The following ZCCHC7 variants were observed in gnomAD, a reference collection of about 807,000 sequenced individuals.
ZCCHC7 encodes the protein zinc finger CCHC-type containing 7.
A neutral mutation model predicts 52.0 loss-of-function variants in ZCCHC7; 35 were observed. The observed-to-expected ratio is 0.67, with a 90% confidence interval of 0.51 to 0.89. The LOEUF is 0.89. Ranked by LOEUF, ZCCHC7 falls within the 40% of genes least tolerant of loss-of-function variation. ZCCHC7 has a pLI of 0.00. For missense variants in ZCCHC7, 574 were observed against 649.1 expected (o/e 0.88, Z 1.26); for synonymous variants, 217 against 221.5 (o/e 0.98, Z 0.18).
At chr9:37,175,319 T>C (rs556766166) in intron 2 of ZCCHC7, among the ~76,000 whole-genome samples, 1 of 152,232 alleles carries the variant, frequency 6.6e-6, no homozygotes, top group South Asian at 2.1e-4. Flanking sequence ...TGAGGACTGA[T>C]GTTCATTGTT....
chr9:37,255,781 C>G (rs1227121065), intron 2 of ZCCHC7, among the ~76,000 whole-genome samples: 2 of 152,074 alleles, frequency 1.3e-5, no homozygotes, highest in East Asian at 3.8e-4. Flanking sequence ...TCTTGATTCA[C>G]TTTATCAAAA....
At chr9:37,153,629 T>C (rs1353899611) in intron 2 of ZCCHC7, among the ~76,000 whole-genome samples, 1 of 146,410 alleles carries the variant, frequency 6.8e-6, no homozygotes, top group Non-Finnish European at 1.5e-5. Flanking sequence ...TCTTTCTTTC[T>C]TTTTTTTTTA....
intron 2 of ZCCHC7, among the ~76,000 whole-genome samples, chr9:37,173,619 T>G (rs1016116456): frequency 4.6e-5 from 7 of 152,190 alleles, no homozygotes; most frequent in Admixed American, 3.9e-4. Flanking sequence ...TTTGTTTTTT[T>G]GGGGGAGATC....
At chr9:37,190,805 AGTCAGG>A (rs1399843701) in intron 2 of ZCCHC7, among the ~76,000 whole-genome samples, 24 of 152,076 alleles carry the variant, frequency 1.6e-4, no homozygotes, top group Non-Finnish European at 3.4e-4. Context: ...GATCACCTGA[AGTCAGG>A]AGTTCGAGAC....
At chr9:37,123,831 A>G (rs542839434) in intron 1 of ZCCHC7, among the ~76,000 whole-genome samples, 11 of 152,370 alleles carry the variant, frequency 7.2e-5, no homozygotes, top group African/African-American at 2.4e-4. Context: ...TAACAATTCA[A>G]TATAAACTGA....
At chr9:37,323,904 GTC>G (rs1830144139) in intron 5 of ZCCHC7, among the ~76,000 whole-genome samples, 1 of 152,112 alleles carries the variant, frequency 6.6e-6, no homozygotes, top group African/African-American at 2.4e-5. Context: ...GTAGCTATAA[GTC>G]TATGAAGAGC....
At chr9:37,193,104 T>C (rs1199895131) in intron 2 of ZCCHC7, among the ~76,000 whole-genome samples, 4 of 152,184 alleles carry the variant, frequency 2.6e-5, no homozygotes, top group African/African-American at 9.6e-5. Flanking sequence ...ACATATGCTT[T>C]TGAATAATGA....
chr9:37,203,409 G>C (rs1823737697), intron 2 of ZCCHC7, among the ~76,000 whole-genome samples: 1 of 152,052 alleles, frequency 6.6e-6, no homozygotes, highest in South Asian at 2.1e-4. Context: ...CTATCAACCT[G>C]TCATCTAGGT....
intron 2 of ZCCHC7, among the ~76,000 whole-genome samples, chr9:37,225,858 A>G (rs147287367): frequency 2.0e-5 from 3 of 152,362 alleles, no homozygotes; most frequent in Non-Finnish European, 2.9e-5. Context: ...CTCTCACTTT[A>G]AAACTGGGAA....
intron 2 of ZCCHC7, among the ~76,000 whole-genome samples, chr9:37,198,741 A>C (rs1823425132): frequency 6.6e-6 from 1 of 152,194 alleles, no homozygotes; most frequent in African/African-American, 2.4e-5. Flanking sequence ...CTAGTACAGT[A>C]TCTTAGGGAA....
intron 2 of ZCCHC7, among the ~76,000 whole-genome samples, chr9:37,216,440 C>T (rs548433915): frequency 8.0e-4 from 121 of 152,066 alleles, no homozygotes; most frequent in Non-Finnish European, 1.2e-3. Flanking sequence ...TTTAGGAGGC[C>T]GAGGTGGGCG....
At chr9:37,204,219 T>C (rs2133178442) in intron 2 of ZCCHC7, among the ~76,000 whole-genome samples, 1 of 152,340 alleles carries the variant, frequency 6.6e-6, no homozygotes. Flanking sequence ...CTTTGTCAGA[T>C]GGGTAGATTG....
At chr9:37,184,006 G>A (rs550440315) in intron 2 of ZCCHC7, among the ~76,000 whole-genome samples, 1 of 152,322 alleles carries the variant, frequency 6.6e-6, no homozygotes, top group African/African-American at 2.4e-5. Flanking sequence ...AGAGGGGTTG[G>A]ACTTTTATTG....
At chr9:37,309,626 T>C (rs1829498814) in intron 5 of ZCCHC7, among the ~76,000 whole-genome samples, 2 of 152,140 alleles carry the variant, frequency 1.3e-5, no homozygotes, top group Non-Finnish European at 2.9e-5. Context: ...ATTGACGATA[T>C]TGAGAAACTT....
intron 2 of ZCCHC7, among the ~76,000 whole-genome samples, chr9:37,263,945 G>A (rs1350787595): frequency 1.3e-5 from 2 of 152,212 alleles, no homozygotes; most frequent in African/African-American, 2.4e-5. Context: ...AGGTCAGGGC[G>A]TGTGCCACTT....
chr9:37,202,195 T>C (rs1823669858), intron 2 of ZCCHC7, among the ~76,000 whole-genome samples: 1 of 152,228 alleles, frequency 6.6e-6, no homozygotes, highest in Non-Finnish European at 1.5e-5. Context: ...TGTTTGTTTC[T>C]ATTATGTACC....
At chr9:37,224,103 G>A (rs1466362044) in intron 2 of ZCCHC7, among the ~76,000 whole-genome samples, 1 of 151,576 alleles carries the variant, frequency 6.6e-6, no homozygotes, top group African/African-American at 2.4e-5. Flanking sequence ...TTAATAAAGG[G>A]GTCACAAACA....
chr9:37,320,690 T>C (rs766559482), intron 5 of ZCCHC7, among the ~76,000 whole-genome samples: 2 of 152,218 alleles, frequency 1.3e-5, no homozygotes, highest in Non-Finnish European at 2.9e-5. Context: ...ATTTTGCCTC[T>C]CTTGGAATTA....
intron 2 of ZCCHC7, among the ~76,000 whole-genome samples, chr9:37,229,269 A>G (rs1825282048): frequency 6.6e-6 from 1 of 152,230 alleles, no homozygotes; most frequent in Non-Finnish European, 1.5e-5. Context: ...AAAATGCTAT[A>G]TAAGAATTAA....
Sources: gnomAD v4.1 joint callset for allele counts (sites outside exome capture counted in the v4.1 genomes callset) on GRCh38, gnomAD v4.1.1 for gene constraint, MANE v1.5 for transcripts, NCBI Gene and HGNC (gene_info 2026-07-23, HGNC 2026-07-21) for gene names.